OR5H2: variants seen among roughly 807,000 people sequenced by gnomAD.
OR5H2 encodes the protein olfactory receptor 5H2.
For synonymous variants in OR5H2, 132 were observed against 126.8 expected, an observed-to-expected ratio of 1.04 and a Z score of -0.27; for missense variants, 391 against 364.4, an observed-to-expected ratio of 1.07 and a Z score of -0.59.
Position 98,282,983 on chromosome 3 carries a change from G to A in OR5H2, c.81G>A (p.Leu27=), listed in dbSNP as rs753954499. 8 of 1,612,786 alleles carry A rather than the reference G, an allele frequency of 5.0e-6. No homozygotes were observed. Among genetic ancestry groups the A allele is most frequent in the Non-Finnish European group, 6.8e-6 (8 of 1,179,828 alleles). ...ATCAGCCAGAGTGGAAAATGCCCCT[G>A]TTCTTGGTGTTCTTGGTGATCTATC... ...LTYQPEWKMP[L]FLVFLVIYLI... is the part of the protein sequence containing the mutation. Residue 27 remains leucine, a synonymous_variant, in exon 1 of 1, where the codon CTG becomes CTA. Coordinates refer to ENST00000355273, the MANE Select transcript of OR5H2 (RefSeq NM_001005482.2).
Position 98,283,743 on chromosome 3 carries a change from A to G in OR5H2, c.841A>G (p.Ile281Val), listed in dbSNP as rs16839611. Reference protein sequence around the residue: ...DMIDSVFYTIIIPLLNPIIYS... With the variant: ...DMIDSVFYTIVIPLLNPIIYS... ...GATAGACTCTGTCTTTTATACAATC[A>G]TAATTCCTTTGCTAAATCCCATTAT... Residue 281 changes from isoleucine to valine, a missense_variant, in exon 1 of 1, where the codon ATA (isoleucine) becomes GTA (valine). Physicochemically the swap from Ile to Val is conservative, Grantham distance 29. Coordinates refer to ENST00000355273, the MANE Select transcript of OR5H2 (RefSeq NM_001005482.2). 0.29 allele frequency: 459,873 copies of G among 1,601,660 alleles called. 82,545 individuals are homozygous for G. Among genetic ancestry groups the G allele is most frequent in the East Asian group, 0.82 (36,596 of 44,754 alleles).
At position 98,283,432 on chromosome 3, in the gene OR5H2, T is replaced by G; in HGVS notation, c.530T>G (p.Phe177Cys). 6.2e-7 allele frequency: 1 copy of G among 1,608,930 alleles called. No homozygotes were observed. Among genetic ancestry groups the G allele is most frequent in the Non-Finnish European group, 8.5e-7 (1 of 1,178,876 alleles). The change falls in exon 1 of 1, where the codon TTT (phenylalanine) becomes TGT (cysteine). Residue 177 changes from phenylalanine (F) to cysteine (C), a missense_variant. By Grantham distance (205) the Phe-to-Cys change is radical. Coordinates refer to ENST00000355273, the MANE Select transcript of OR5H2 (RefSeq NM_001005482.2). ...TFCNSNIIHHFYCDIIPLFMI... is the reference protein window; with the variant it reads ...TFCNSNIIHHCYCDIIPLFMI... ...TGCAATTCTAACATAATACATCATTTTTACTGTGATATTATACCACTGTTT... is the reference window on the plus strand; with the variant it reads ...TGCAATTCTAACATAATACATCATTGTTACTGTGATATTATACCACTGTTT...
rs1706142228 is a variant in OR5H2 at position 98,282,570 on chromosome 3, C to T, written c.-333C>T. Among the ~76,000 whole-genome samples, 1 of 152,148 alleles carries T rather than the reference C, an allele frequency of 6.6e-6. No individual in the cohort carries two copies. Among genetic ancestry groups the T allele is most frequent in the Non-Finnish European group, 1.5e-5 (1 of 68,038 alleles). ...TGATGGCCACCTTGCAGGCTGTAACCCCTTATAAGAAATAAGTCTTCTCTC... is the reference window on the plus strand; with the variant it reads ...TGATGGCCACCTTGCAGGCTGTAACTCCTTATAAGAAATAAGTCTTCTCTC... On this transcript the variant is annotated 5_prime_UTR_variant, in exon 1 of 1. Coordinates refer to ENST00000355273, the MANE Select transcript of OR5H2 (RefSeq NM_001005482.2).
chr3:98,283,612 C>G lies in OR5H2; in HGVS notation c.710C>G (p.Ala237Gly). The G allele has an allele frequency of 6.8e-6, 11 of 1,613,564 alleles. No homozygotes were observed. The highest frequency in any genetic ancestry group is 9.3e-6 in the Non-Finnish European group (11 of 1,179,834). ...AAGTCTGTTAGAGGCGTAAGGAAAGCCTTTTCCACCTGTGGAGCCCATCTC... is the reference window on the plus strand; with the variant it reads ...AAGTCTGTTAGAGGCGTAAGGAAAGGCTTTTCCACCTGTGGAGCCCATCTC... ...KKKSVRGVRK[A>G]FSTCGAHLLS... The change falls in exon 1 of 1, where the codon GCC becomes GGC. Residue 237 changes from alanine to glycine, a missense_variant. By Grantham distance (60) the Ala-to-Gly change is moderately conservative (BLOSUM62 0). Transcript: ENST00000355273.
In OR5H2 at chr3:98,283,293, C is replaced by T; in HGVS notation, c.391C>T (p.Leu131=). 4 of 1,613,784 alleles carry T rather than the reference C, an allele frequency of 2.5e-6. No homozygotes were observed. Among genetic ancestry groups the T allele is most frequent in the Non-Finnish European group, 3.4e-6 (4 of 1,179,882 alleles). Reference sequence around the variant, plus strand: ...CTATGTAGCCATATGCAAACCTTTACTATATCCAGTGATTATGAACAATTC... The same window carrying T: ...CTATGTAGCCATATGCAAACCTTTATTATATCCAGTGATTATGAACAATTC... ...DRYVAICKPL[L]YPVIMNNSLC... is the part of the protein sequence containing the mutation. Residue 131 remains leucine, a synonymous_variant, in exon 1 of 1, where the codon CTA becomes TTA. Coordinates refer to ENST00000355273, the MANE Select transcript of OR5H2 (RefSeq NM_001005482.2).
chr3:98,283,396 G>A lies in OR5H2; in HGVS notation c.494G>A (p.Arg165Lys). 6.2e-7 allele frequency: 1 copy of A among 1,610,090 alleles called. No individual in the cohort carries two copies. The highest frequency in any genetic ancestry group is 8.5e-7 in the Non-Finnish European group (1 of 1,179,186). The change falls in exon 1 of 1, where the codon AGA (arginine) becomes AAA (lysine). Residue 165 changes from arginine (R) to lysine (K), a missense_variant. Transcript: ENST00000355273. The part of the protein sequence containing the change: ...HALIHEVLIF[R>K]LTFCNSNIIH... ...TTAATTCATGAAGTCCTTATATTCA[G>A]ATTAACCTTCTGCAATTCTAACATA...
At position 98,282,523 on chromosome 3, in the gene OR5H2, G is replaced by C. The variant is rs1706141663; in HGVS notation, c.-380G>C. On this transcript the variant is annotated 5_prime_UTR_variant, in exon 1 of 1. Transcript: ENST00000355273. ...ATGTGCCTGTTTCTGGTCTTGGCCAGAGGCATGCTTCCCAGCACACTTGAT... is the reference window on the plus strand; with the variant it reads ...ATGTGCCTGTTTCTGGTCTTGGCCACAGGCATGCTTCCCAGCACACTTGAT... 6.6e-6 allele frequency among the ~76,000 whole-genome samples: 1 copy of C among 152,118 alleles called. No individual in the cohort carries two copies. Among genetic ancestry groups the C allele is most frequent in the South Asian group, 2.1e-4 (1 of 4,834 alleles).
At position 98,283,491 on chromosome 3, in the gene OR5H2, C is replaced by G. The variant is rs1706159721; in HGVS notation, c.589C>G (p.Leu197Val). The G allele has an allele frequency of 6.2e-7, 1 of 1,612,438 alleles. No individual in the cohort carries two copies. The highest frequency in any genetic ancestry group is 1.7e-5 in the Admixed American group (1 of 59,486). ...ISCTDPSINFLMVFILSGSIQ... is the reference protein window; with the variant it reads ...ISCTDPSINFVMVFILSGSIQ... Reference sequence around the variant, plus strand: ...CTGTACTGACCCTTCTATTAATTTTCTAATGGTTTTTATTTTGTCTGGCTC... The same window carrying G: ...CTGTACTGACCCTTCTATTAATTTTGTAATGGTTTTTATTTTGTCTGGCTC... Residue 197 changes from leucine to valine, a missense_variant, in exon 1 of 1, where the codon CTA (leucine) becomes GTA (valine). Physicochemically the swap from Leu to Val is conservative, Grantham distance 32. Coordinates refer to ENST00000355273, the MANE Select transcript of OR5H2 (RefSeq NM_001005482.2).
Position 98,283,867 on chromosome 3 carries a change from G to T in OR5H2, c.*35G>T, listed in dbSNP as rs372795443. On this transcript the variant is annotated 3_prime_UTR_variant, in exon 1 of 1. Transcript: ENST00000355273. Reference sequence around the variant, plus strand: ...TGATATCTCTCATTTTCAGTAAAAAGAATTTTGCAGTTAGATAAGGTGTTT... The same window carrying T: ...TGATATCTCTCATTTTCAGTAAAAATAATTTTGCAGTTAGATAAGGTGTTT... 2.2e-5 allele frequency: 27 copies of T among 1,224,428 alleles called. No individual in the cohort carries two copies. In the African/African-American group the frequency reaches 2.8e-4, roughly 13 times the overall value. The allele number at this position is 1,224,428 out of a possible 1,614,324, so 75.8% of individuals were successfully genotyped here.
At position 98,284,060 on chromosome 3, in the gene OR5H2, T is replaced by C. The variant is rs557332703; in HGVS notation, c.*228T>C. Among the ~76,000 whole-genome samples, 3 of 152,140 alleles carry C rather than the reference T, an allele frequency of 2.0e-5. No homozygotes were observed. Among genetic ancestry groups the C allele is most frequent in the Admixed American group, 6.6e-5 (1 of 15,254 alleles). On this transcript the variant is annotated 3_prime_UTR_variant, in exon 1 of 1. Transcript: ENST00000355273. ...TTAGATAATTAAAGCAGAAAACAAA[T>C]GAAAACATTTATAGGTTAAATACTC...
rs746823784 is a variant in OR5H2, at chr3:98,282,919, C to T, written c.17C>T (p.Thr6Ile). 1 of 1,613,864 alleles carries T rather than the reference C, an allele frequency of 6.2e-7. No individual in the cohort carries two copies. Among genetic ancestry groups the T allele is most frequent in the Non-Finnish European group, 8.5e-7 (1 of 1,179,838 alleles). Residue 6 changes from threonine (T) to isoleucine (I), a missense_variant, in exon 1 of 1, where the codon ACA becomes ATA. Coordinates refer to ENST00000355273, the MANE Select transcript of OR5H2 (RefSeq NM_001005482.2). The part of the protein sequence containing the change: MEQDN[T>I]TLLTEFVLTG... ...AATGAGGACATGGAACAGGATAATA[C>T]AACATTGCTGACAGAGTTTGTTCTC...
rs761623775 is a variant in OR5H2 at position 98,283,195 on chromosome 3, T to A, written c.293T>A (p.Met98Lys). ...KNRMISLSEC[M>K]IQFFSFAFGG... is the part of the protein sequence containing the mutation. The stretch of plus-strand genomic sequence containing the variant: ...AGGATGATATCTCTGTCTGAATGCA[T>A]GATTCAATTTTTTTCCTTTGCATTT... Residue 98 changes from methionine (M) to lysine (K), a missense_variant, in exon 1 of 1, where the codon ATG becomes AAG. Transcript: ENST00000355273. The A allele has an allele frequency of 6.2e-7, 1 of 1,614,004 alleles. No homozygotes were observed.
rs762531195 is a variant in OR5H2 at position 98,283,421 on chromosome 3, A to G, written c.519A>G (p.Ile173Met). 3.1e-6 allele frequency: 5 copies of G among 1,609,322 alleles called. No homozygotes were observed. Among genetic ancestry groups the G allele is most frequent in the Non-Finnish European group, 4.2e-6 (5 of 1,178,986 alleles). Residue 173 changes from isoleucine to methionine, a missense_variant, in exon 1 of 1, where the codon ATA (isoleucine) becomes ATG (methionine). By Grantham distance (10) the Ile-to-Met change is conservative. Transcript: ENST00000355273. ...GATTAACCTTCTGCAATTCTAACAT[A>G]ATACATCATTTTTACTGTGATATTA... ...IFRLTFCNSN[I>M]IHHFYCDIIP...
rs867620543 is a variant in OR5H2, at chr3:98,283,822, G to C, written c.920G>C (p.Arg307Thr). The stretch of plus-strand genomic sequence containing the variant: ...GATTCATTCACAAAAATGGTAAAAA[G>C]AAATGTTTAGATTTCATAGTGATAT... ...VIDSFTKMVK[R>T]NV is the part of the protein sequence containing the mutation. The change falls in exon 1 of 1, where the codon AGA (arginine) becomes ACA (threonine). Residue 307 changes from arginine (R) to threonine (T), a missense_variant. Arg to Thr is a moderately conservative substitution (Grantham distance 71). Coordinates refer to ENST00000355273, the MANE Select transcript of OR5H2 (RefSeq NM_001005482.2). 2 of 1,508,306 alleles carry C rather than the reference G, an allele frequency of 1.3e-6. No individual in the cohort carries two copies. The highest frequency in any genetic ancestry group is 2.8e-5 in the African/African-American group (2 of 70,692). 93.4% of individuals were successfully genotyped at this position (1,508,306 alleles called of 1,614,324 possible). A position where few individuals can be genotyped will look rare whatever the true frequency, so the allele number is the denominator to read the frequency against.
At position 98,283,061 on chromosome 3, in the gene OR5H2, A is replaced by G. The variant is rs1257317974; in HGVS notation, c.159A>G (p.Pro53=). The G allele has an allele frequency of 1.1e-5, 17 of 1,614,070 alleles. No homozygotes were observed. Among genetic ancestry groups the G allele is most frequent in the Non-Finnish European group, 1.3e-5 (15 of 1,179,958 alleles). Residue 53 remains proline (P), a synonymous_variant, in exon 1 of 1, where the codon CCA becomes CCG. Transcript: ENST00000355273. ...TGATTGCTCTTATCTGGAATGACCC[A>G]CAACTTCACATCCCCATGTACTTTT... ...LGLIALIWND[P]QLHIPMYFFL...
chr3:98,283,699 A>T lies in OR5H2; in HGVS notation c.797A>T (p.Gln266Leu). 6.2e-7 allele frequency: 1 copy of T among 1,612,856 alleles called. No individual in the cohort carries two copies. The highest frequency in any genetic ancestry group is 8.5e-7 in the Non-Finnish European group (1 of 1,179,460). ...IFMYLRPASP[Q>L]ADDQDMIDSV... ...ATGTATTTGCGCCCTGCATCTCCAC[A>T]AGCAGATGACCAAGATATGATAGAC... Residue 266 changes from glutamine to leucine, a missense_variant, in exon 1 of 1, where the codon CAA becomes CTA. Gln to Leu is a moderately radical substitution (Grantham distance 113). Transcript: ENST00000355273.
At position 98,283,175 on chromosome 3, in the gene OR5H2, GAT is replaced by G; in HGVS notation, c.276_277del (p.Leu94ValfsTer2). ...TTAATTTCTTGGCCAAAAACAGGAT[GAT>G]ATCTCTGTCTGAATGCATGATTCAA... ...LVNFLAKNRM[I>X]SLSECMIQFF... is the part of the protein sequence containing the mutation. On this transcript the variant is annotated frameshift_variant, in exon 1 of 1. Transcript: ENST00000355273. LOFTEE classifies it low-confidence loss of function (END_TRUNC). The G allele has an allele frequency of 1.2e-6, 2 of 1,614,004 alleles. No homozygotes were observed. The highest frequency in any genetic ancestry group is 1.7e-6 in the Non-Finnish European group (2 of 1,179,956).
rs758722437 is a variant in OR5H2 at position 98,283,685 on chromosome 3, C to A, written c.783C>A (p.Arg261=). The A allele has an allele frequency of 4.3e-6, 7 of 1,613,120 alleles. No homozygotes were observed. The highest frequency in any genetic ancestry group is 5.9e-6 in the Non-Finnish European group (7 of 1,179,714). The change falls in exon 1 of 1, where the codon CGC becomes CGA. Residue 261 remains arginine, a synonymous_variant. Coordinates refer to ENST00000355273, the MANE Select transcript of OR5H2 (RefSeq NM_001005482.2). ...YYGPLIFMYL[R]PASPQADDQD... ...GCCCACTTATCTTCATGTATTTGCG[C>A]CCTGCATCTCCACAAGCAGATGACC...
Position 98,283,136 on chromosome 3 carries a change from TC to T in OR5H2, c.237del (p.Met81CysfsTer11). 1 of 1,614,042 alleles carries T rather than the reference TC, an allele frequency of 6.2e-7. No homozygotes were observed. The highest frequency in any genetic ancestry group is 1.3e-5 in the African/African-American group (1 of 75,042). Reference protein sequence around the residue: ...VDAWISSTVTPKMLVNFLAKN... With the variant: ...VDAWISSTVTXKMLVNFLAKN... Reference sequence around the variant, plus strand: ...ATGCTTGGATATCTTCCACAGTAACTCCCAAAATGTTGGTTAATTTCTTGGC... The same window carrying T: ...ATGCTTGGATATCTTCCACAGTAACTCCAAAATGTTGGTTAATTTCTTGGC... On this transcript the variant is annotated frameshift_variant, in exon 1 of 1. Transcript: ENST00000355273. LOFTEE classifies it low-confidence loss of function (END_TRUNC).
Sources: gnomAD v4.1 joint callset for allele counts (sites outside exome capture counted in the v4.1 genomes callset) on GRCh38, gnomAD v4.1.1 for gene constraint, MANE v1.5 for transcripts, NCBI Gene and HGNC (gene_info 2026-07-23, HGNC 2026-07-21) for gene names.